Variants in SYNPR observed in about 807,000 individuals in gnomAD.
SYNPR encodes the protein synaptoporin.
SYNPR carries 23 observed loss-of-function variants against 32.9 expected under a neutral mutation model. That is an observed-to-expected ratio of 0.70 (90% CI 0.50 to 0.99). SYNPR has a LOEUF of 0.99. Ranked by LOEUF, SYNPR falls within the 50% of genes least tolerant of loss-of-function variation. SYNPR has a pLI of 0.00. For missense variants in SYNPR, 318 were observed against 349.3 expected, an observed-to-expected ratio of 0.91 and a Z score of 0.71; for synonymous variants, 146 against 135.9, an observed-to-expected ratio of 1.07 and a Z score of -0.52.
intron 4 of SYNPR, among the ~76,000 whole-genome samples, chr3:63,586,240 C>T (rs1029537623): frequency 6.6e-6 from 1 of 151,724 alleles, no homozygotes; most frequent in Admixed American, 6.6e-5. Context: ...CAGCTCTTTT[C>T]ATGAACCTAA....
the SYNPR span, among the ~76,000 whole-genome samples, chr3:63,204,021 GT>G: frequency 7.4e-3 from 1,119 of 151,978 alleles, 15 homozygotes; most frequent in Middle Eastern, 0.027. Context: ...ACAAAAAAAA[GT>G]TTGCTGGCTG....
intron 1 of SYNPR, among the ~76,000 whole-genome samples, chr3:63,230,197 G>C (rs1283443154): frequency 1.3e-5 from 2 of 152,116 alleles, no homozygotes; most frequent in African/African-American, 4.8e-5. Flanking sequence ...TGATGTCCCA[G>C]AAATGAAATT....
At chr3:63,296,283 A>ATATT (rs2086790839) in intron 2 of SYNPR, among the ~76,000 whole-genome samples, 1 of 111,722 alleles carries the variant, frequency 9.0e-6, no homozygotes, top group Non-Finnish European at 1.9e-5. Context: ...AATGTTAGAA[A>ATATT]TGCTATTTCT....
chr3:63,229,512 A>T (rs2086152236), intron 1 of SYNPR, among the ~76,000 whole-genome samples: 1 of 152,074 alleles, frequency 6.6e-6, no homozygotes, highest in African/African-American at 2.4e-5. Context: ...CCTTTGGGAC[A>T]CCCTTTTGCA....
intron 2 of SYNPR, among the ~76,000 whole-genome samples, chr3:63,379,333 G>GGTAGA (rs1458869730): frequency 6.6e-6 from 1 of 152,132 alleles, no homozygotes; most frequent in Non-Finnish European, 1.5e-5. Flanking sequence ...ATTAGATTCT[G>GGTAGA]TTGGTTGGTG....
intron 2 of SYNPR, among the ~76,000 whole-genome samples, chr3:63,375,066 G>GA (rs2087870416): frequency 6.6e-6 from 1 of 152,098 alleles, no homozygotes; most frequent in South Asian, 2.1e-4. Flanking sequence ...AAAAAGTCAG[G>GA]AAAAACAGAT....
chr3:63,476,172 AG>A (rs1559510487), intron 2 of SYNPR, among the ~76,000 whole-genome samples: 15 of 34,800 alleles, frequency 4.3e-4, no homozygotes, highest in South Asian at 1.8e-3. Context: ...GGAGGGAGGG[AG>A]GGAAGGAAGG....
chr3:63,450,088 GA>G (rs973618491), intron 2 of SYNPR, among the ~76,000 whole-genome samples: 1 of 152,062 alleles, frequency 6.6e-6, no homozygotes, highest in African/African-American at 2.4e-5. Flanking sequence ...AGTAGTTAGG[GA>G]ATTTGAGATC....
intron 2 of SYNPR, among the ~76,000 whole-genome samples, chr3:63,266,041 G>A (rs148965663): frequency 6.6e-6 from 1 of 151,998 alleles, no homozygotes; most frequent in East Asian, 1.9e-4. Context: ...ATTGATTCTA[G>A]AAACACAGAC....
At chr3:63,479,942 A>T (rs1701013143) in intron 2 of SYNPR, among the ~76,000 whole-genome samples, 1 of 152,180 alleles carries the variant, frequency 6.6e-6, no homozygotes, top group Admixed American at 6.5e-5. Context: ...CAAAGTTAAG[A>T]TAAATTGGAA....
At chr3:63,424,521 C>T (rs1699857719) in intron 2 of SYNPR, among the ~76,000 whole-genome samples, 1 of 152,086 alleles carries the variant, frequency 6.6e-6, no homozygotes, top group South Asian at 2.1e-4. Context: ...ATAGTAAAGG[C>T]TCAATAACAA....
chr3:63,349,403 A>T (rs904405988), intron 2 of SYNPR, among the ~76,000 whole-genome samples: 1 of 152,216 alleles, frequency 6.6e-6, no homozygotes, highest in Non-Finnish European at 1.5e-5. Flanking sequence ...CCTGGCCAAC[A>T]ACATTAATTC....
chr3:63,443,066 C>A (rs981251003), intron 2 of SYNPR: 1 of 1,017,680 alleles, frequency 9.8e-7, no homozygotes, highest in Middle Eastern at 4.9e-4. Flanking sequence ...GGTGATGCAG[C>A]CTGCTCGTGC....
chr3:63,436,996 C>T (rs918181115), intron 2 of SYNPR, among the ~76,000 whole-genome samples: 6 of 152,170 alleles, frequency 3.9e-5, no homozygotes, highest in African/African-American at 1.2e-4. Context: ...CCTGCCTCAG[C>T]CTCCTGAGTA....
At chr3:63,520,476 C>A (rs956649764) in intron 3 of SYNPR, among the ~76,000 whole-genome samples, 6 of 152,050 alleles carry the variant, frequency 3.9e-5, no homozygotes, top group African/African-American at 1.4e-4. Context: ...AGTTCGAGAC[C>A]AGCCTGACCA....
intron 2 of SYNPR, among the ~76,000 whole-genome samples, chr3:63,282,039 A>G (rs2086635156): frequency 6.6e-6 from 1 of 152,196 alleles, no homozygotes; most frequent in South Asian, 2.1e-4. Flanking sequence ...TAATTAAAAT[A>G]TGGCTTAACA....
chr3:63,495,682 T>C (rs1000553382), intron 3 of SYNPR, among the ~76,000 whole-genome samples: 9 of 152,226 alleles, frequency 5.9e-5, no homozygotes, highest in African/African-American at 2.2e-4. Flanking sequence ...TAAAATATCC[T>C]TTTTTATTAG....
intron 2 of SYNPR, among the ~76,000 whole-genome samples, chr3:63,429,797 T>C (rs780378964): frequency 3.6e-4 from 55 of 152,226 alleles, no homozygotes; most frequent in Non-Finnish European, 1.5e-4. Flanking sequence ...CAAGTTCTTC[T>C]TTCTGCTCCT....
chr3:63,513,330 T>G (rs140555892), intron 3 of SYNPR, among the ~76,000 whole-genome samples: 465 of 152,174 alleles, frequency 3.1e-3, no homozygotes, highest in African/African-American at 0.011. Context: ...TACAGACATG[T>G]GCCATTGCTC....
Sources: gnomAD v4.1 joint callset for allele counts (sites outside exome capture counted in the v4.1 genomes callset) on GRCh38, gnomAD v4.1.1 for gene constraint, MANE v1.5 for transcripts, NCBI Gene and HGNC (gene_info 2026-07-23, HGNC 2026-07-21) for gene names.